The following CDK7 variants were observed in gnomAD, a reference collection of about 807,000 sequenced individuals.
CDK7 encodes the protein cyclin dependent kinase 7.
Under a neutral mutation model 49.1 loss-of-function variants are expected in CDK7, and 25 were observed. That is an observed-to-expected ratio of 0.51 (90% CI 0.37 to 0.71). The LOEUF (loss-of-function observed/expected upper bound fraction) is 0.71, where lower values mean the gene tolerates loss of function less well. CDK7 is among the 30% of genes least tolerant of loss of function. CDK7 has a pLI of 0.00. For synonymous variants in CDK7, 107 were observed against 140.0 expected, an observed-to-expected ratio of 0.76 and a Z score of 1.67; for missense variants, 316 against 411.7, an observed-to-expected ratio of 0.77 and a Z score of 2.01.
chr5:69,241,389 C>T (rs569685201), intron 2 of CDK7, among the ~76,000 whole-genome samples: 109 of 135,294 alleles, frequency 8.1e-4, no homozygotes, highest in Admixed American at 2.4e-3. Flanking sequence ...GGCGCAATCT[C>T]GGTTTACTGC....
rs747576681 is a variant in CDK7, at chr5:69,243,826, G to GTTTTTTTTTT, written c.126+8388_126+8397dup. 7.8e-4 allele frequency among the ~76,000 whole-genome samples: 52 copies of GTTTTTTTTTT among 66,404 alleles called. 7 individuals carry two copies. Among genetic ancestry groups the GTTTTTTTTTT allele is most frequent in the African/African-American group, 7.7e-4 (14 of 18,204 alleles). 43.6% of individuals were successfully genotyped at this position (66,404 alleles called of 152,430 possible). A position where few individuals can be genotyped will look rare whatever the true frequency, so the allele number is the denominator to read the frequency against. ...TCAATTTCTTTCACCAATGATAGTT[G>GTTTTTTTTTT]TTTTTTTTTTTTTTTTTTTTTTTTG... On this transcript the variant is annotated intron_variant, in intron 2 of 11. Transcript: ENST00000256443.
intron 2 of CDK7, among the ~76,000 whole-genome samples, chr5:69,240,416 A>G (rs1242413043): frequency 6.6e-6 from 1 of 152,198 alleles, no homozygotes. Flanking sequence ...TCTGTATTTT[A>G]GAGATGCTTA....
rs376483346 is a variant in CDK7 at position 69,266,375 on chromosome 5, G to T, written c.628-2832G>T. 1.1e-4 allele frequency among the ~76,000 whole-genome samples: 16 copies of T among 152,284 alleles called. No individual in the cohort carries two copies. In the South Asian group the frequency reaches 2.7e-3, roughly 26 times the overall value. Reference sequence around the variant, plus strand: ...AGGCCAAGGCAGGTGGATCACCTGAGGTCAGGAGTTCGAGACCAGCCTGGC... The same window carrying T: ...AGGCCAAGGCAGGTGGATCACCTGATGTCAGGAGTTCGAGACCAGCCTGGC... On this transcript the variant is annotated intron_variant, in intron 8 of 11. Transcript: ENST00000256443.
chr5:69,242,524 A>G (rs1219784438), intron 2 of CDK7, among the ~76,000 whole-genome samples: 2 of 152,198 alleles, frequency 1.3e-5, no homozygotes, highest in African/African-American at 2.4e-5. Flanking sequence ...TATAGGAGCA[A>G]TTGTGGAGGT....
Position 69,272,896 on chromosome 5 carries a change from T to G in CDK7, c.719T>G (p.Met240Arg). 1 of 1,579,268 alleles carries G rather than the reference T, an allele frequency of 6.3e-7. No individual in the cohort carries two copies. The highest frequency in any genetic ancestry group is 8.6e-7 in the Non-Finnish European group (1 of 1,159,476). The change falls in exon 10 of 12, where the codon ATG becomes AGG. Residue 240 changes from methionine (M) to arginine (R), a missense_variant. Coordinates refer to ENST00000256443, the MANE Select transcript of CDK7 (RefSeq NM_001799.4). ...ATTACAAAATTATTTTTACAGGACA[T>G]GTGTAGTCTTCCAGATTATGTGACA... ...GTPTEEQWPD[M>R]CSLPDYVTFK...
intron 8 of CDK7, among the ~76,000 whole-genome samples, chr5:69,265,148 C>G (rs1298146060): frequency 6.6e-6 from 1 of 151,840 alleles, no homozygotes; most frequent in African/African-American, 2.4e-5. Context: ...ACCTGTAGTT[C>G]CAGCTACTCG....
chr5:69,237,827 G>C (rs1203443124), intron 2 of CDK7, among the ~76,000 whole-genome samples: 1 of 152,148 alleles, frequency 6.6e-6, no homozygotes, highest in Non-Finnish European at 1.5e-5. Context: ...GCCCCTGCTA[G>C]TCTCCTGGCC....
intron 1 of CDK7, 31 bp from the exon 2 acceptor site, chr5:69,235,362 TA>T: frequency 1.3e-6 from 2 of 1,502,210 alleles, no homozygotes; most frequent in Non-Finnish European, 1.9e-6. Context: ...AAAACTCCCA[TA>T]AACTTATGTT....
chr5:69,262,275 G>T lies in CDK7; in HGVS notation c.598G>T (p.Gly200Cys). The T allele has an allele frequency of 6.2e-7, 1 of 1,614,090 alleles. No individual in the cohort carries two copies. The highest frequency in any genetic ancestry group is 8.5e-7 in the Non-Finnish European group (1 of 1,179,974). Reference protein sequence around the residue: ...YGVGVDMWAVGCILAELLLRV... With the variant: ...YGVGVDMWAVCCILAELLLRV... Reference sequence around the variant, plus strand: ...TGTAGGTGTGGACATGTGGGCTGTTGGCTGTATATTAGCAGAGTTACTTCT... The same window carrying T: ...TGTAGGTGTGGACATGTGGGCTGTTTGCTGTATATTAGCAGAGTTACTTCT... The change falls in exon 8 of 12, where the codon GGC (glycine) becomes TGC (cysteine). Residue 200 changes from glycine to cysteine, a missense_variant. Coordinates refer to ENST00000256443, the MANE Select transcript of CDK7 (RefSeq NM_001799.4).
At chr5:69,267,512 G>A (rs1416227699) in intron 8 of CDK7, among the ~76,000 whole-genome samples, 1 of 151,698 alleles carries the variant, frequency 6.6e-6, no homozygotes, top group Admixed American at 6.6e-5. Context: ...TGACCAGCTG[G>A]TCTCAAACTC....
intron 9 of CDK7, among the ~76,000 whole-genome samples, chr5:69,269,769 A>G (rs1386658867): frequency 6.6e-6 from 1 of 151,224 alleles, no homozygotes; most frequent in Non-Finnish European, 1.5e-5. Flanking sequence ...TTTTTTTAAT[A>G]GAGATGGGGT....
intron 9 of CDK7, among the ~76,000 whole-genome samples, chr5:69,272,461 A>G (rs1471607793): frequency 6.6e-6 from 1 of 152,218 alleles, no homozygotes; most frequent in Non-Finnish European, 1.5e-5. Flanking sequence ...TTAGACTTGC[A>G]AATCAATTTG....
At chr5:69,269,381 G>A in intron 9 of CDK7, 88 bp downstream of exon 9, 2 of 770,754 alleles carry the variant, frequency 2.6e-6, no homozygotes, top group Non-Finnish European at 4.3e-6. Context: ...GCTGTCACGT[G>A]AATATTAAAG....
At chr5:69,275,870 G>A (rs1209543266) in intron 10 of CDK7, among the ~76,000 whole-genome samples, 1 of 152,044 alleles carries the variant, frequency 6.6e-6, no homozygotes, top group Non-Finnish European at 1.5e-5. Context: ...TGAAACATAA[G>A]TTTCATTTTT....
chr5:69,264,884 C>T (rs537259286), intron 8 of CDK7, among the ~76,000 whole-genome samples: 2 of 151,726 alleles, frequency 1.3e-5, no homozygotes, highest in South Asian at 2.1e-4. Flanking sequence ...GCAGGAGAAT[C>T]GCTTGAACCC....
Position 69,259,845 on chromosome 5 carries a change from G to C in CDK7, c.436G>C (p.Asp146His). ...RDLKPNNLLL[D>H]ENGVLKLADF... ...TCTGAAACCAAACAACTTGTTGCTA[G>C]ATGAAAATGGAGTTCTAAAACTGGC... Residue 146 changes from aspartate (D) to histidine (H), a missense_variant, in exon 7 of 12, where the codon GAT (aspartate) becomes CAT (histidine). By Grantham distance (81) the Asp-to-His change is moderately conservative. Transcript: ENST00000256443. The C allele has an allele frequency of 6.2e-7, 1 of 1,614,004 alleles. No individual in the cohort carries two copies. The highest frequency in any genetic ancestry group is 1.1e-5 in the South Asian group (1 of 91,082).
chr5:69,264,018 A>G (rs1750994224), intron 8 of CDK7, among the ~76,000 whole-genome samples: 1 of 152,236 alleles, frequency 6.6e-6, no homozygotes, highest in South Asian at 2.1e-4. Flanking sequence ...GCTCAATTGA[A>G]AAGGTAGAAA....
At chr5:69,256,461 C>A (rs1201148474) in intron 5 of CDK7, among the ~76,000 whole-genome samples, 1 of 151,966 alleles carries the variant, frequency 6.6e-6, no homozygotes, top group Non-Finnish European at 1.5e-5. Flanking sequence ...TCAAGCAATT[C>A]TTGTGCCTCA....
In CDK7 at chr5:69,258,031, C is replaced by T; in HGVS notation, c.298-12C>T. 2.3e-6 allele frequency: 3 copies of T among 1,295,286 alleles called. No homozygotes were observed. Among genetic ancestry groups the T allele is most frequent in the Non-Finnish European group, 3.3e-6 (3 of 904,690 alleles). The allele number at this position is 1,295,286 out of a possible 1,614,324, so 80.2% of individuals were successfully genotyped here. A position where few individuals can be genotyped will look rare whatever the true frequency, so the allele number is the denominator to read the frequency against. On this transcript the variant is annotated splice_polypyrimidine_tract_variant and intron_variant, in intron 5 of 11. Coordinates refer to ENST00000256443, the MANE Select transcript of CDK7 (RefSeq NM_001799.4). ...ATAAAGGGTACCTGTATATTGTATACTTGCTTTACAGGTTATAATAAAGGA... is the reference window on the plus strand; with the variant it reads ...ATAAAGGGTACCTGTATATTGTATATTTGCTTTACAGGTTATAATAAAGGA...
Sources: allele counts gnomAD v4.1 joint callset (sites outside exome capture counted in the v4.1 genomes callset), GRCh38; gene constraint gnomAD v4.1.1; transcripts MANE v1.5; gene names NCBI Gene and HGNC (gene_info 2026-07-23, HGNC 2026-07-21).